HMCN2: variants seen among roughly 807,000 people sequenced by gnomAD.
HMCN2 encodes the protein hemicentin 2, also known as hemicentin-2.
A neutral mutation model predicts 377.5 loss-of-function variants in HMCN2; 325 were observed. The ratio of observed to expected loss-of-function variants is 0.86; its 90% CI spans 0.79 to 0.94. The LOEUF (loss-of-function observed/expected upper bound fraction) is 0.94, where lower values mean the gene tolerates loss of function less well. Ranked by LOEUF, HMCN2 falls within the 40% of genes least tolerant of loss-of-function variation. The pLI is 0.00. For missense variants in HMCN2, 4,543 were observed against 4,725.3 expected (o/e 0.96, Z 1.13); for synonymous variants, 2,007 against 2,046.8 (o/e 0.98, Z 0.53).
At chr9:130,328,880 C>A (rs1367920017) in intron 22 of HMCN2, among the ~76,000 whole-genome samples, 1 of 152,202 alleles carries the variant, frequency 6.6e-6, no homozygotes, top group Non-Finnish European at 1.5e-5. Context: ...CGTATGATTT[C>A]CCTGCTGTTG....
rs1842459006 is a variant in HMCN2 at position 130,393,875 on chromosome 9, G to C, written c.10368G>C (p.Leu3456Phe). Reference sequence around the variant, plus strand: ...CGTGGATGAAGGATGGGGAACCCTTGTTGTCCCAGAGCCTCGAGCAGGGGC... The same window carrying C: ...CGTGGATGAAGGATGGGGAACCCTTCTTGTCCCAGAGCCTCGAGCAGGGGC... ...LVSWMKDGEP[L>F]LSQSLEQGPS... The change falls in exon 68 of 98, where the codon TTG becomes TTC. Residue 3456 changes from leucine to phenylalanine, a missense_variant. Physicochemically the swap from Leu to Phe is conservative, Grantham distance 22. Coordinates refer to ENST00000683500, the MANE Select transcript of HMCN2 (RefSeq NM_001291815.2). This position sits in a 1 kb window ranked among gnomAD's most constrained non-coding sequence, Gnocchi z 5.2. 7.8e-7 allele frequency: 1 copy of C among 1,289,596 alleles called. No homozygotes were observed. The highest frequency in any genetic ancestry group is 2.3e-5 in the Admixed American group (1 of 43,544). The allele number at this position is 1,289,596 out of a possible 1,614,324, so 79.9% of individuals were successfully genotyped here. A position where few individuals can be genotyped will look rare whatever the true frequency, so the allele number is the denominator to read the frequency against.
intron 15 of HMCN2, among the ~76,000 whole-genome samples, chr9:130,314,286 T>C (rs1837425394): frequency 6.6e-6 from 1 of 152,186 alleles, no homozygotes; most frequent in African/African-American, 2.4e-5. Context: ...GCGAGGCGAC[T>C]TCTCCATCAG....
Position 130,306,199 on chromosome 9 carries a change from C to T in HMCN2, c.1887C>T (p.Cys629=), listed in dbSNP as rs1836848731. 1 of 470,986 alleles carries T rather than the reference C, an allele frequency of 2.1e-6. No homozygotes were observed. Among genetic ancestry groups the T allele is most frequent in the Non-Finnish European group, 4.4e-6 (1 of 227,052 alleles). 29.2% of individuals were successfully genotyped at this position (470,986 alleles called of 1,614,324 possible). ...AAGGTGTGGAGGTGAAGGTCAGCTGCTCAGCCTCTGGATACCCCACACCCC... is the reference window on the plus strand; with the variant it reads ...AAGGTGTGGAGGTGAAGGTCAGCTGTTCAGCCTCTGGATACCCCACACCCC... The part of the protein sequence containing the change: ...FSQGVEVKVS[C]SASGYPTPHI... Residue 629 remains cysteine, a synonymous_variant, in exon 12 of 98, where the codon TGC becomes TGT. Coordinates refer to ENST00000683500, the MANE Select transcript of HMCN2 (RefSeq NM_001291815.2).
chr9:130,399,510 G>A lies in HMCN2; in HGVS notation c.11484-1G>A. 1 of 1,282,752 alleles carries A rather than the reference G, an allele frequency of 7.8e-7. No homozygotes were observed. Among genetic ancestry groups the A allele is most frequent in the Non-Finnish European group, 1.0e-6 (1 of 983,730 alleles). The allele number at this position is 1,282,752 out of a possible 1,614,324, so 79.5% of individuals were successfully genotyped here. A position where few individuals can be genotyped will look rare whatever the true frequency, so the allele number is the denominator to read the frequency against. On this transcript the variant is annotated splice_acceptor_variant, in intron 75 of 97. Coordinates refer to ENST00000683500, the MANE Select transcript of HMCN2 (RefSeq NM_001291815.2). LOFTEE classifies it high-confidence loss of function. ...CTTGGCCGTCTGTCTGTCCACCCCA[G>A]GCTCCTGCCCTCCAACGCCCTGCTC...
At chr9:130,420,035 C>T (rs1219932978) in intron 86 of HMCN2, among the ~76,000 whole-genome samples, 1 of 151,898 alleles carries the variant, frequency 6.6e-6, no homozygotes, top group Non-Finnish European at 1.5e-5. Flanking sequence ...CTAAGCAGAC[C>T]CCCATGTATT....
intron 76 of HMCN2, among the ~76,000 whole-genome samples, chr9:130,400,006 A>T (rs1368912125): frequency 2.0e-5 from 3 of 152,204 alleles, no homozygotes; most frequent in Non-Finnish European, 4.4e-5. Flanking sequence ...GATTCAGCTC[A>T]CGCCAGACCT....
At position 130,415,486 on chromosome 9, in the gene HMCN2, C is replaced by G. The variant is rs533737194; in HGVS notation, c.12962-3286C>G. ...TCCCAAGTAGCTGGGACTGCAGGTG[C>G]ATACCACCATGCCCGGCTACTTTAT... On this transcript the variant is annotated intron_variant, in intron 85 of 97. Transcript: ENST00000683500. Among the ~76,000 whole-genome samples, 219 of 152,312 alleles carry G rather than the reference C, an allele frequency of 1.4e-3. 1 individual carries two copies. Among genetic ancestry groups the G allele is most frequent in the Non-Finnish European group, 2.4e-3 (163 of 68,022 alleles).
chr9:130,374,289 G>A (rs11243979), intron 48 of HMCN2, among the ~76,000 whole-genome samples: 122,230 of 152,082 alleles, frequency 0.8, 51,233 homozygotes, highest in Non-Finnish European at 0.92. Context: ...GCCTGTCTAT[G>A]CTAAGCCATC....
intron 75 of HMCN2, 36 bp downstream of exon 75, chr9:130,398,743 G>T: frequency 7.8e-7 from 1 of 1,281,060 alleles, no homozygotes; most frequent in South Asian, 1.2e-5. Context: ...TTCCTGAGAC[G>T]CACAGGGCGG....
chr9:130,354,326 C>G (rs951383779), intron 31 of HMCN2, among the ~76,000 whole-genome samples: 4 of 152,172 alleles, frequency 2.6e-5, no homozygotes, highest in African/African-American at 7.2e-5. Flanking sequence ...GCCCCCCAAT[C>G]CAAGCCATCT....
At position 130,393,297 on chromosome 9, in the gene HMCN2, T is replaced by C; in HGVS notation, c.10222T>C (p.Leu3408=). 2 of 988,600 alleles carry C rather than the reference T, an allele frequency of 2.0e-6. No homozygotes were observed. The highest frequency in any genetic ancestry group is 2.8e-4 in the Middle Eastern group (1 of 3,546). 61.2% of individuals were successfully genotyped at this position (988,600 alleles called of 1,614,324 possible). Residue 3408 remains leucine (L), a synonymous_variant, in exon 67 of 98, where the codon TTG becomes CTG. Transcript: ENST00000683500. The surrounding 1 kb of genome is among the most constrained non-coding windows in gnomAD (Gnocchi z 5.2). ...TGGCGTGGCGGACAGGAACTTCACC[T>C]TGCAGGTGCAGGGTATGGAGCAGGG... ...PAGVADRNFT[L]QVQVPPVLEP... is the part of the protein sequence containing the mutation.
At chr9:130,345,086 A>ATATGTTGTATG (rs1839294763) in intron 25 of HMCN2, among the ~76,000 whole-genome samples, 3 of 18,890 alleles carry the variant, frequency 1.6e-4, no homozygotes, top group Non-Finnish European at 3.9e-4. Flanking sequence ...TGTGTAGTGC[A>ATATGTTGTATG]TGGTGTGTAT....
intron 86 of HMCN2, 37 bp downstream of exon 86, chr9:130,419,078 G>A: frequency 1.4e-6 from 2 of 1,453,696 alleles, no homozygotes; most frequent in Non-Finnish European, 1.8e-6. Context: ...CGTGGACAGA[G>A]GCAGGATCTC....
At chr9:130,270,170 A>G (rs1475843777) in intron 1 of HMCN2, among the ~76,000 whole-genome samples, 2 of 145,962 alleles carry the variant, frequency 1.4e-5, no homozygotes, top group Non-Finnish European at 3.1e-5. Context: ...CTTGTCTTTT[A>G]GTATTTGTAA....
intron 44 of HMCN2, 49 bp downstream of exon 44, chr9:130,368,486 T>A (rs982291241): frequency 6.2e-6 from 6 of 963,352 alleles, no homozygotes; most frequent in Non-Finnish European, 2.5e-6. Context: ...ATGGACTGGC[T>A]GGGCAGGCGC....
In HMCN2 at chr9:130,384,618, C is replaced by G. The variant is rs1206329835; in HGVS notation, c.8993-67C>G. On this transcript the variant is annotated intron_variant, in intron 58 of 97. Transcript: ENST00000683500. Reference sequence around the variant, plus strand: ...CCCGACCTGGGACAGGGCCGTCAGTCGTGCAGGGATTTAGGACTGGGGGCT... The same window carrying G: ...CCCGACCTGGGACAGGGCCGTCAGTGGTGCAGGGATTTAGGACTGGGGGCT... The G allele has an allele frequency of 1.2e-5, 15 of 1,300,550 alleles. No homozygotes were observed. The Admixed American group carries it at 1.4e-4, about 12-fold the overall frequency. 80.6% of individuals were successfully genotyped at this position (1,300,550 alleles called of 1,614,324 possible).
Position 130,425,829 on chromosome 9 carries a change from A to C in HMCN2, c.13784A>C (p.Gln4595Pro). Residue 4595 changes from glutamine (Q) to proline (P), a missense_variant, in exon 90 of 98, where the codon CAG becomes CCG. Coordinates refer to ENST00000683500, the MANE Select transcript of HMCN2 (RefSeq NM_001291815.2). ...QYNAARGPQP[Q>P]LVQHLRASAI... ...AACGCGGCCCGGGGCCCCCAGCCCC[A>C]GCTGGTGCAGCACCTGCGGGCCTCA... is the stretch of plus-strand genomic sequence containing the variant. 6.4e-7 allele frequency: 1 copy of C among 1,550,500 alleles called. No homozygotes were observed. The highest frequency in any genetic ancestry group is 8.7e-7 in the Non-Finnish European group (1 of 1,146,970).
intron 25 of HMCN2, among the ~76,000 whole-genome samples, chr9:130,344,607 GTGT>G (rs1416862211): frequency 2.0e-5 from 3 of 150,438 alleles, no homozygotes; most frequent in Admixed American, 6.6e-5. Context: ...TATGTGTATG[GTGT>G]TGTGTGTAGT....
At position 130,387,777 on chromosome 9, in the gene HMCN2, T is replaced by C. The variant is rs545323351; in HGVS notation, c.9392-632T>C. Among the ~76,000 whole-genome samples, 27 of 152,204 alleles carry C rather than the reference T, an allele frequency of 1.8e-4. No individual in the cohort carries two copies. The South Asian group carries it at 5.6e-3, about 32-fold the overall frequency. On this transcript the variant is annotated intron_variant, in intron 61 of 97. Coordinates refer to ENST00000683500, the MANE Select transcript of HMCN2 (RefSeq NM_001291815.2). ...CCCTGAGCCATACACAACACAATCGTTGAAAAGGACTGACAAGATGGAGTG... is the reference window on the plus strand; with the variant it reads ...CCCTGAGCCATACACAACACAATCGCTGAAAAGGACTGACAAGATGGAGTG...
Sources: allele counts gnomAD v4.1 joint callset (sites outside exome capture counted in the v4.1 genomes callset), GRCh38; gene constraint gnomAD v4.1.1; non-coding constraint Gnocchi (gnomAD v3.1); transcripts MANE v1.5; gene names NCBI Gene and HGNC (gene_info 2026-07-23, HGNC 2026-07-21).